The following NRCAM variants were observed in gnomAD, a reference collection of about 807,000 sequenced individuals.
The protein encoded by NRCAM is neuronal cell adhesion molecule, also known as NgCAM-related cell adhesion molecule.
NRCAM carries 83 observed loss-of-function variants against 156.5 expected under a neutral mutation model. The observed-to-expected ratio is 0.53, with a 90% CI of 0.44 to 0.64. NRCAM has a LOEUF of 0.64. Ranked by LOEUF, NRCAM falls within the 30% of genes least tolerant of loss-of-function variation. The probability of loss-of-function intolerance (pLI) is 0.00; values close to 1 mark genes in which losing one functional copy is unlikely to be tolerated. For missense variants in NRCAM, 1,417 were observed against 1,597.3 expected (o/e 0.89, Z 1.92); for synonymous variants, 538 against 563.9 (o/e 0.95, Z 0.65).
chr7:108,178,392 G>A (rs1051269467), intron 25 of NRCAM: 2 of 456,070 alleles, frequency 4.4e-6, no homozygotes, highest in Non-Finnish European at 8.3e-6. Context: ...ATTTTAAAAA[G>A]AGGCAGTACT....
intron 2 of NRCAM, among the ~76,000 whole-genome samples, chr7:108,365,921 T>C (rs2099589050): frequency 6.6e-6 from 1 of 152,180 alleles, no homozygotes; most frequent in South Asian, 2.1e-4. Context: ...TCTCTCAAAA[T>C]TCATATGTTA....
At chr7:108,427,389 T>C (rs1818716010) in intron 1 of NRCAM, among the ~76,000 whole-genome samples, 2 of 152,350 alleles carry the variant, frequency 1.3e-5, no homozygotes, top group South Asian at 4.1e-4. Context: ...ACTTTACAAG[T>C]GTGCCTGGCA....
chr7:108,323,987 G>C (rs1326674425), intron 2 of NRCAM, among the ~76,000 whole-genome samples: 1 of 151,980 alleles, frequency 6.6e-6, no homozygotes, highest in African/African-American at 2.4e-5. Flanking sequence ...ACAGCAAGGC[G>C]GCCAGGTGGC....
chr7:108,420,058 G>C (rs1275649147), intron 1 of NRCAM, among the ~76,000 whole-genome samples: 2 of 151,872 alleles, frequency 1.3e-5, no homozygotes, highest in African/African-American at 4.8e-5. Flanking sequence ...GTGTGTGTGT[G>C]TGTGTGTGTG....
rs1376305130 is a variant in NRCAM at position 108,417,347 on chromosome 7, G to A, written c.-331-17754C>T. 7.9e-5 allele frequency among the ~76,000 whole-genome samples: 12 copies of A among 152,176 alleles called. 1 individual carries two copies. The highest frequency in any genetic ancestry group is 2.9e-4 in the African/African-American group (12 of 41,440). On this transcript the variant is annotated intron_variant, in intron 1 of 32. Coordinates refer to ENST00000379028, the MANE Select transcript of NRCAM (RefSeq NM_001037132.4). The stretch of plus-strand genomic sequence containing the variant: ...GCAGACATCTGGTGACGACCTTGTA[G>A]TTGCGTCATCCCATGGCAAAAGGCA...
At chr7:108,218,173 TGG>T (rs34435583) in intron 11 of NRCAM, among the ~76,000 whole-genome samples, 8,540 of 118,478 alleles carry the variant, frequency 0.072, 822 homozygotes, top group African/African-American at 0.24. Flanking sequence ...TTCCCTTGGC[TGG>T]GGGGGGGGGG....
intron 3 of NRCAM, among the ~76,000 whole-genome samples, chr7:108,303,786 T>C (rs1400551658): frequency 2.0e-5 from 3 of 152,184 alleles, no homozygotes; most frequent in Non-Finnish European, 4.4e-5. Context: ...TTTCATGTTC[T>C]TTCTCAAGGA....
At chr7:108,278,631 G>A (rs974284131) in intron 3 of NRCAM, among the ~76,000 whole-genome samples, 2 of 152,184 alleles carry the variant, frequency 1.3e-5, no homozygotes, top group African/African-American at 2.4e-5. Context: ...ATTTGGGCAG[G>A]AGCATACCGT....
intron 20 of NRCAM, among the ~76,000 whole-genome samples, chr7:108,189,427 A>C (rs892599415): frequency 2.6e-5 from 4 of 152,232 alleles, no homozygotes; most frequent in African/African-American, 9.6e-5. Context: ...ATTAGTCAAC[A>C]TCTTCAGCAA....
intron 13 of NRCAM, among the ~76,000 whole-genome samples, chr7:108,199,839 A>G (rs369884): frequency 0.71 from 107,553 of 152,120 alleles, 39,376 homozygotes; most frequent in East Asian, 0.88. Flanking sequence ...TGTAGACATC[A>G]TGGCGGGGTG....
chr7:108,163,080 G>C (rs1394775539), intron 30 of NRCAM, among the ~76,000 whole-genome samples: 1 of 152,002 alleles, frequency 6.6e-6, no homozygotes, highest in African/African-American at 2.4e-5. Context: ...TTTCCTTCTA[G>C]AATCAGTTTC....
At chr7:108,412,331 C>T (rs1355408181) in intron 1 of NRCAM, among the ~76,000 whole-genome samples, 3 of 152,012 alleles carry the variant, frequency 2.0e-5, no homozygotes, top group African/African-American at 7.2e-5. Flanking sequence ...CCAAACCTGG[C>T]GTTTTGCTCA....
intron 2 of NRCAM, among the ~76,000 whole-genome samples, chr7:108,338,206 G>A (rs942565143): frequency 2.0e-5 from 3 of 152,216 alleles, no homozygotes; most frequent in Non-Finnish European, 2.9e-5. Context: ...CCATGCATGC[G>A]CCCCTATCTT....
In NRCAM at chr7:108,194,256, C is replaced by T; in HGVS notation, c.1630+6G>A. 1 of 1,611,476 alleles carries T rather than the reference C, an allele frequency of 6.2e-7. No homozygotes were observed. The highest frequency in any genetic ancestry group is 8.5e-7 in the Non-Finnish European group (1 of 1,178,150). On this transcript the variant is annotated splice_donor_region_variant and intron_variant, in intron 16 of 32. Transcript: ENST00000379028. ...TTAAAAATTAAACACATTACCTCTG[C>T]CTTACCTTTGATTTCTAAGTGAACT...
At chr7:108,183,061 G>C in intron 22 of NRCAM, 141 bp from the exon 23 acceptor site, 5 of 694,058 alleles carry the variant, frequency 7.2e-6, no homozygotes, top group Non-Finnish European at 1.2e-5. Flanking sequence ...ATTTTCTCCA[G>C]GGACCTTCTA....
intron 1 of NRCAM, among the ~76,000 whole-genome samples, chr7:108,425,461 G>A (rs1815982596): frequency 6.6e-6 from 1 of 152,130 alleles, no homozygotes; most frequent in Non-Finnish European, 1.5e-5. Flanking sequence ...AAATCAGTGG[G>A]TTTTATATGT....
chr7:108,455,056 G>A (rs1855125646), intron 1 of NRCAM, among the ~76,000 whole-genome samples: 1 of 152,134 alleles, frequency 6.6e-6, no homozygotes. Context: ...GTGGCCGCGG[G>A]CGCGGGCGGG....
At chr7:108,301,879 T>C (rs2098626079) in intron 3 of NRCAM, among the ~76,000 whole-genome samples, 2 of 152,162 alleles carry the variant, frequency 1.3e-5, no homozygotes, top group African/African-American at 4.8e-5. Context: ...TACATCACTT[T>C]AGGACACTAT....
At chr7:108,348,607 A>C (rs2099387179) in intron 2 of NRCAM, among the ~76,000 whole-genome samples, 1 of 152,128 alleles carries the variant, frequency 6.6e-6, no homozygotes, top group South Asian at 2.1e-4. Flanking sequence ...TTTTTGAGGC[A>C]GAGTTTGCAG....
Sources: allele counts gnomAD v4.1 joint callset (sites outside exome capture counted in the v4.1 genomes callset), GRCh38; gene constraint gnomAD v4.1.1; transcripts MANE v1.5; gene names NCBI Gene and HGNC (gene_info 2026-07-23, HGNC 2026-07-21).